Variants in ZNF599 observed in about 807,000 individuals in gnomAD.
The protein encoded by ZNF599 is zinc finger protein 599.
A neutral mutation model predicts 11.7 loss-of-function variants in ZNF599; 10 were observed. The ratio of observed to expected loss-of-function variants is 0.86; its 90% CI spans 0.53 to 1.45. ZNF599 has a LOEUF of 1.45. ZNF599 is among the 40% of genes most tolerant of loss of function. The pLI is 0.00. For synonymous variants in ZNF599, 232 were observed against 253.2 expected (o/e 0.92, Z 0.79); for missense variants, 688 against 713.6 (o/e 0.96, Z 0.41).
chr19:34,770,618 C>T (rs942685250), intron 1 of ZNF599, among the ~76,000 whole-genome samples: 10 of 152,198 alleles, frequency 6.6e-5, no homozygotes, highest in South Asian at 2.1e-4. Flanking sequence ...TCCTGAGCCA[C>T]GGTTAGCACA....
chr19:34,772,855 T>G lies in ZNF599; in HGVS notation c.-14A>C, dbSNP rs1254711432. The G allele has an allele frequency of 3.4e-6, 5 of 1,483,388 alleles. No individual in the cohort carries two copies. In the South Asian group the frequency reaches 6.4e-5, roughly 19 times the overall value. The allele number at this position is 1,483,388 out of a possible 1,614,324, so 91.9% of individuals were successfully genotyped here. A position where few individuals can be genotyped will look rare whatever the true frequency, so the allele number is the denominator to read the frequency against. On this transcript the variant is annotated 5_prime_UTR_variant, in exon 1 of 4. Transcript: ENST00000329285. Reference sequence around the variant, plus strand: ...CGGCGCCGCCATGGGCCCAGGGGGCTGGGTGAGGCCGTGAGAGTCGGCGAG... The same window carrying G: ...CGGCGCCGCCATGGGCCCAGGGGGCGGGGTGAGGCCGTGAGAGTCGGCGAG...
chr19:34,771,251 A>C (rs2145464918), intron 1 of ZNF599, among the ~76,000 whole-genome samples: 1 of 152,058 alleles, frequency 6.6e-6, no homozygotes, highest in South Asian at 2.1e-4. Context: ...ACCCTCTTTC[A>C]AAAAAAATAA....
chr19:34,784,173 T>C, the ZNF599 span, among the ~76,000 whole-genome samples: 1 of 152,188 alleles, frequency 6.6e-6, no homozygotes. Flanking sequence ...TCTTCCAGCT[T>C]CTGGTGGTTG....
the ZNF599 span, among the ~76,000 whole-genome samples, chr19:34,783,240 C>T: frequency 5.3e-5 from 8 of 152,150 alleles, no homozygotes; most frequent in African/African-American, 9.7e-5. Flanking sequence ...GGCCATGCCA[C>T]GCCATGCAGG....
rs143039488 is a variant in ZNF599 at position 34,760,092 on chromosome 19, G to A, written c.709C>T (p.Arg237Cys). 5.8e-5 allele frequency: 93 copies of A among 1,613,684 alleles called. 1 individual carries two copies. Among genetic ancestry groups the A allele is most frequent in the African/African-American group, 2.8e-4 (21 of 74,784 alleles). ...TGTCGAATGACATCAGCCATATAAC[G>A]ACAGGCTTTCCCACACTCATTGCAC... Reference protein sequence around the residue: ...YECNECGKACRYMADVIRHMR... With the variant: ...YECNECGKACCYMADVIRHMR... Residue 237 changes from arginine (R) to cysteine (C), a missense_variant, in exon 4 of 4, where the codon CGT (arginine) becomes TGT (cysteine). Coordinates refer to ENST00000329285, the MANE Select transcript of ZNF599 (RefSeq NM_001007248.3).
chr19:34,804,756 A>G, the ZNF599 span, among the ~76,000 whole-genome samples: 2 of 152,184 alleles, frequency 1.3e-5, no homozygotes, highest in African/African-American at 4.8e-5. Context: ...AATTAGGCAA[A>G]AGGAATCAGG....
chr19:34,765,360 C>G (rs754337900), intron 3 of ZNF599: 2 of 561,392 alleles, frequency 3.6e-6, no homozygotes, highest in African/African-American at 1.9e-5. Context: ...TGGAGTCTCA[C>G]ACAGTGGCTT....
intron 1 of ZNF599, chr19:34,772,599 T>C (rs1189326869): frequency 8.1e-6 from 11 of 1,350,824 alleles, no homozygotes; most frequent in Non-Finnish European, 1.0e-5. Flanking sequence ...AGCTCCAGGT[T>C]AGAGCCAGAG....
At chr19:34,791,968 T>A in the ZNF599 span, 1 of 152,222 alleles carries the variant, frequency 6.6e-6, no homozygotes, top group Non-Finnish European at 1.5e-5. Flanking sequence ...AGAATGACGC[T>A]CTGTATTCAG....
At chr19:34,790,742 ATAG>A in the ZNF599 span, among the ~76,000 whole-genome samples, 5 of 152,196 alleles carry the variant, frequency 3.3e-5, no homozygotes, top group African/African-American at 9.6e-5. Flanking sequence ...AATTGCTAAA[ATAG>A]TAGATTTTAA....
At chr19:34,781,644 AG>A in the ZNF599 span, among the ~76,000 whole-genome samples, 1 of 152,186 alleles carries the variant, frequency 6.6e-6, no homozygotes, top group South Asian at 2.1e-4. Context: ...ATCTTGCCAG[AG>A]TCAAGAATAG....
upstream of ZNF599, among the ~76,000 whole-genome samples, chr19:34,775,305 T>C (rs2145471218): frequency 6.6e-6 from 1 of 152,336 alleles, no homozygotes; most frequent in Non-Finnish European, 1.5e-5. Context: ...TTATAACAGA[T>C]TATTCAGCCA....
At chr19:34,786,935 C>T in the ZNF599 span, among the ~76,000 whole-genome samples, 1 of 152,124 alleles carries the variant, frequency 6.6e-6, no homozygotes. Flanking sequence ...ACATTAAAGA[C>T]TGTTCTAATC....
At position 34,773,067 on chromosome 19, in the gene ZNF599, C is replaced by G; in HGVS notation, c.-226G>C. The G allele has an allele frequency of 1.8e-6, 1 of 543,634 alleles. No homozygotes were observed. Among genetic ancestry groups the G allele is most frequent in the Non-Finnish European group, 3.2e-6 (1 of 315,520 alleles). The allele number at this position is 543,634 out of a possible 1,614,324, so 33.7% of individuals were successfully genotyped here. ...GACGCTTGTGGGGGTGGGATCGCGG[C>G]TGACATAAAAGCGTGTAAGTGGGTC... On this transcript the variant is annotated 5_prime_UTR_variant, in exon 1 of 4. Transcript: ENST00000329285.
At chr19:34,777,339 AATATATT>A (rs1205699837), upstream of ZNF599, among the ~76,000 whole-genome samples, 73 of 44,308 alleles carry the variant, frequency 1.6e-3, no homozygotes, top group Non-Finnish European at 1.8e-3. Flanking sequence ...ATTATATATT[AATATATT>A]ATATATTATA....
the ZNF599 span, among the ~76,000 whole-genome samples, chr19:34,796,230 A>G: frequency 7.9e-5 from 12 of 152,172 alleles, no homozygotes; most frequent in African/African-American, 2.2e-4. Flanking sequence ...GGTTTATTTA[A>G]TCCTGGACAG....
intron 3 of ZNF599, among the ~76,000 whole-genome samples, chr19:34,762,166 C>G (rs1000648350): frequency 7.9e-5 from 12 of 152,168 alleles, no homozygotes; most frequent in Admixed American, 2.0e-4. Flanking sequence ...GAACTTCACT[C>G]TACCCCAAAA....
chr19:34,797,383 C>T, the ZNF599 span, among the ~76,000 whole-genome samples: 35 of 152,138 alleles, frequency 2.3e-4, 1 homozygote, highest in South Asian at 6.9e-3. Flanking sequence ...CCTGAGGAAT[C>T]GCCACACTGA....
Position 34,759,517 on chromosome 19 carries a change from A to G in ZNF599, c.1284T>C (p.Cys428=), listed in dbSNP as rs1438281825. The G allele has an allele frequency of 3.1e-6, 5 of 1,614,076 alleles. No individual in the cohort carries two copies. Among genetic ancestry groups the G allele is most frequent in the Admixed American group, 1.7e-5 (1 of 60,004 alleles). Residue 428 remains cysteine (C), a synonymous_variant, in exon 4 of 4, where the codon TGT becomes TGC. Coordinates refer to ENST00000329285, the MANE Select transcript of ZNF599 (RefSeq NM_001007248.3). ...TGEKPFECKE[C]GKAFCDSSSL... is the part of the protein sequence containing the mutation. ...AAGAGCTGTCACAAAAGGCCTTCCC[A>G]CATTCTTTGCACTCAAAGGGCTTCT...
Sources: allele counts gnomAD v4.1 joint callset (sites outside exome capture counted in the v4.1 genomes callset), GRCh38; gene constraint gnomAD v4.1.1; transcripts MANE v1.5; gene names NCBI Gene and HGNC (gene_info 2026-07-23, HGNC 2026-07-21).